Variants in UNC5D observed in about 807,000 individuals in gnomAD.
UNC5D encodes the protein unc-5 netrin receptor D, also known as netrin receptor UNC5D.
A neutral mutation model predicts 105.4 loss-of-function variants in UNC5D; 39 were observed. The observed-to-expected ratio is 0.37, with a 90% confidence interval of 0.29 to 0.48. The LOEUF (loss-of-function observed/expected upper bound fraction) is 0.48, where lower values mean the gene tolerates loss of function less well. UNC5D is among the 20% of genes least tolerant of loss of function. The probability of loss-of-function intolerance (pLI) is 0.98; values close to 1 mark genes in which losing one functional copy is unlikely to be tolerated. For missense variants in UNC5D, 991 were observed against 1,202.4 expected (o/e 0.82, Z 2.60); for synonymous variants, 452 against 450.4 (o/e 1.00, Z -0.04).
intron 4 of UNC5D, among the ~76,000 whole-genome samples, chr8:35,599,483 AC>A (rs1329035753): frequency 1.3e-5 from 2 of 152,216 alleles, no homozygotes; most frequent in Admixed American, 1.3e-4. Flanking sequence ...AAAAATATAT[AC>A]AATTTGTTAG....
chr8:35,510,407 G>A (rs1164172131), intron 1 of UNC5D, among the ~76,000 whole-genome samples: 2 of 151,266 alleles, frequency 1.3e-5, no homozygotes, highest in Admixed American at 6.6e-5. Flanking sequence ...GTATTTCACA[G>A]TATCACACAC....
At chr8:35,486,954 C>T (rs906155827) in intron 1 of UNC5D, among the ~76,000 whole-genome samples, 1 of 152,134 alleles carries the variant, frequency 6.6e-6, no homozygotes, top group Non-Finnish European at 1.5e-5. Context: ...AGTTTTAAGG[C>T]TCCCAGGACA....
chr8:35,759,514 C>T lies in UNC5D; in HGVS notation c.2313+45C>T, dbSNP rs144176178. On this transcript the variant is annotated intron_variant, in intron 14 of 16. Transcript: ENST00000404895. ...CTAACAGAAACGGCTTTGCTTTAAC[C>T]GGCAAGCATGTCACAGATCCTGGCA... 2.9e-4 allele frequency: 465 copies of T among 1,586,120 alleles called. 2 individuals are homozygous for T. In the African/African-American group the frequency reaches 4.1e-3, roughly 14 times the overall value.
At position 35,784,731 on chromosome 8, in the gene UNC5D, G is replaced by A. The variant is rs190192745; in HGVS notation, c.2658-5628G>A. ...CTACTGCACTCCAGCCTGGGAGACA[G>A]AATGAGACTCTGTCTCAAAAATAAA... On this transcript the variant is annotated intron_variant, in intron 16 of 16. Transcript: ENST00000404895. 3.5e-3 allele frequency among the ~76,000 whole-genome samples: 530 copies of A among 152,240 alleles called. 6 individuals carry two copies. The highest frequency in any genetic ancestry group is 0.012 in the African/African-American group (479 of 41,548).
At chr8:35,588,877 C>A (rs2130873647) in intron 3 of UNC5D, among the ~76,000 whole-genome samples, 1 of 152,226 alleles carries the variant, frequency 6.6e-6, no homozygotes, top group East Asian at 1.9e-4. Flanking sequence ...CCCGTCTCTA[C>A]TAAAAATACA....
intron 2 of UNC5D, among the ~76,000 whole-genome samples, chr8:35,553,101 G>T (rs1816286993): frequency 6.6e-6 from 1 of 152,006 alleles, no homozygotes; most frequent in African/African-American, 2.4e-5. Context: ...AAGATAGAAA[G>T]AATATTGTAA....
At chr8:35,607,880 G>A (rs1458906293) in intron 4 of UNC5D, among the ~76,000 whole-genome samples, 1 of 152,008 alleles carries the variant, frequency 6.6e-6, no homozygotes, top group East Asian at 1.9e-4. Flanking sequence ...AACCCTAGCA[G>A]TATGAAAATG....
intron 1 of UNC5D, among the ~76,000 whole-genome samples, chr8:35,408,991 T>C (rs531901729): frequency 1.6e-4 from 25 of 152,246 alleles, no homozygotes; most frequent in African/African-American, 6.0e-4. Flanking sequence ...TCCTATAGTT[T>C]TGCATTTTCT....
At chr8:35,700,551 A>G (rs928047486) in intron 7 of UNC5D, among the ~76,000 whole-genome samples, 2 of 152,206 alleles carry the variant, frequency 1.3e-5, no homozygotes, top group African/African-American at 4.8e-5. Context: ...AGTAATCACC[A>G]GAGATTTCAG....
chr8:35,637,801 A>G (rs1563618224), intron 4 of UNC5D, among the ~76,000 whole-genome samples: 1 of 152,226 alleles, frequency 6.6e-6, no homozygotes, highest in Non-Finnish European at 1.5e-5. Context: ...CCATTCTTGC[A>G]TGATAATGAG....
In UNC5D at chr8:35,404,293, T is replaced by C. The variant is rs1323468217; in HGVS notation, c.104-144999T>C. Reference sequence around the variant, plus strand: ...GTTTGTCAAGAGGCCAAGAAAGCCATTGAAGGGTTGAGTCACATATGTGAG... The same window carrying C: ...GTTTGTCAAGAGGCCAAGAAAGCCACTGAAGGGTTGAGTCACATATGTGAG... On this transcript the variant is annotated intron_variant, in intron 1 of 16. Transcript: ENST00000404895. 2.6e-5 allele frequency among the ~76,000 whole-genome samples: 4 copies of C among 152,086 alleles called. No individual in the cohort carries two copies. In the East Asian group the frequency reaches 7.7e-4, roughly 29 times the overall value.
At chr8:35,358,264 T>C (rs1801666726) in intron 1 of UNC5D, among the ~76,000 whole-genome samples, 1 of 152,124 alleles carries the variant, frequency 6.6e-6, no homozygotes. Context: ...CCATCAACGA[T>C]AGACTGGATA....
At chr8:35,569,482 C>A (rs997317614) in intron 3 of UNC5D, among the ~76,000 whole-genome samples, 2 of 152,210 alleles carry the variant, frequency 1.3e-5, no homozygotes, top group Non-Finnish European at 2.9e-5. Flanking sequence ...GGAATGAAAT[C>A]TTCCTCTCAA....
At chr8:35,288,514 G>A (rs1282038856) in intron 1 of UNC5D, among the ~76,000 whole-genome samples, 1 of 152,164 alleles carries the variant, frequency 6.6e-6, no homozygotes, top group African/African-American at 2.4e-5. Flanking sequence ...CAAAAGATAT[G>A]TGAATGTAAA....
intron 1 of UNC5D, among the ~76,000 whole-genome samples, chr8:35,329,539 G>A (rs1810446600): frequency 6.6e-6 from 1 of 151,978 alleles, no homozygotes; most frequent in African/African-American, 2.4e-5. Flanking sequence ...GCCGAGTGCT[G>A]TTAATTAGCT....
At chr8:35,528,118 C>T (rs1040653170) in intron 1 of UNC5D, among the ~76,000 whole-genome samples, 4 of 135,364 alleles carry the variant, frequency 3.0e-5, no homozygotes, top group African/African-American at 1.1e-4. Flanking sequence ...CATATGTATA[C>T]ATGTGCCATG....
At chr8:35,579,055 A>G (rs933839402) in intron 3 of UNC5D, among the ~76,000 whole-genome samples, 1 of 152,224 alleles carries the variant, frequency 6.6e-6, no homozygotes, top group Non-Finnish European at 1.5e-5. Context: ...AAACCTCAGT[A>G]GAAGTTTATC....
chr8:35,514,412 C>T (rs1451721008), intron 1 of UNC5D, among the ~76,000 whole-genome samples: 1 of 152,312 alleles, frequency 6.6e-6, no homozygotes, highest in East Asian at 1.9e-4. Context: ...TGATCTATCT[C>T]TGCATGGGAG....
intron 7 of UNC5D, among the ~76,000 whole-genome samples, chr8:35,701,421 G>A (rs1447425403): frequency 6.6e-6 from 1 of 152,174 alleles, no homozygotes; most frequent in Non-Finnish European, 1.5e-5. Flanking sequence ...TCCCAGGGAT[G>A]TGGGCTGCAT....
Sources: gnomAD v4.1 joint callset for allele counts (sites outside exome capture counted in the v4.1 genomes callset) on GRCh38, gnomAD v4.1.1 for gene constraint, MANE v1.5 for transcripts, NCBI Gene and HGNC (gene_info 2026-07-23, HGNC 2026-07-21) for gene names.